Variants in LINGO2 observed in about 807,000 individuals in gnomAD.
The protein encoded by LINGO2 is leucine rich repeat and Ig domain containing 2.
In LINGO2, 14 loss-of-function variants were observed where a neutral mutation model predicts 30.6. That is an observed-to-expected ratio of 0.46 (90% confidence interval 0.30 to 0.72). The LOEUF (loss-of-function observed/expected upper bound fraction) is 0.72. LINGO2 is among the 30% of genes least tolerant of loss of function. The pLI is 0.07. For synonymous variants in LINGO2, 317 were observed against 288.5 expected (o/e 1.10, Z -1.00); for missense variants, 729 against 751.7 (o/e 0.97, Z 0.35).
At chr9:28,456,817 T>C (rs1400137399) in intron 2 of LINGO2, among the ~76,000 whole-genome samples, 3 of 152,216 alleles carry the variant, frequency 2.0e-5, no homozygotes, top group South Asian at 2.1e-4. Flanking sequence ...GAGAAAACTC[T>C]TGTGTCGTTA....
intron 4 of LINGO2, among the ~76,000 whole-genome samples, chr9:28,103,570 G>C (rs1397046869): frequency 6.6e-6 from 1 of 152,134 alleles, no homozygotes; most frequent in Non-Finnish European, 1.5e-5. Flanking sequence ...GCAGTCCCAA[G>C]AAGCAGAACT....
intron 1 of LINGO2, among the ~76,000 whole-genome samples, chr9:28,550,708 T>C (rs991831205): frequency 1.3e-5 from 2 of 151,742 alleles, no homozygotes. Flanking sequence ...ATATTTTTGC[T>C]TTCATAAAAT....
At chr9:28,956,938 T>TA in the LINGO2 span, among the ~76,000 whole-genome samples, 6 of 151,702 alleles carry the variant, frequency 4.0e-5, no homozygotes, top group South Asian at 2.1e-4. Context: ...ATGATAACAT[T>TA]ACCCTGGGAA....
At chr9:27,996,672 A>C (rs1821679463) in intron 5 of LINGO2, among the ~76,000 whole-genome samples, 1 of 152,062 alleles carries the variant, frequency 6.6e-6, no homozygotes, top group Non-Finnish European at 1.5e-5. Flanking sequence ...AGATAGAATT[A>C]ATAAATTCTA....
chr9:29,008,423 A>G, the LINGO2 span, among the ~76,000 whole-genome samples: 13 of 152,252 alleles, frequency 8.5e-5, no homozygotes, highest in African/African-American at 3.1e-4. Flanking sequence ...ATGATTTATA[A>G]TCCTTTGGGT....
chr9:28,833,585 A>AT, the LINGO2 span, among the ~76,000 whole-genome samples: 7 of 152,206 alleles, frequency 4.6e-5, no homozygotes. Flanking sequence ...AAAAGGATTT[A>AT]TATCCTTTGC....
At chr9:28,752,427 T>G in the LINGO2 span, among the ~76,000 whole-genome samples, 1 of 151,996 alleles carries the variant, frequency 6.6e-6, no homozygotes, top group East Asian at 1.9e-4. Flanking sequence ...TAGAGAACAT[T>G]TGATGACACA....
At chr9:29,043,765 G>A in the LINGO2 span, among the ~76,000 whole-genome samples, 1 of 151,924 alleles carries the variant, frequency 6.6e-6, no homozygotes, top group Non-Finnish European at 1.5e-5. Flanking sequence ...ATAAAACACA[G>A]TTATATGCAG....
At chr9:29,170,490 T>C in the LINGO2 span, among the ~76,000 whole-genome samples, 2 of 152,136 alleles carry the variant, frequency 1.3e-5, no homozygotes, top group African/African-American at 4.8e-5. Flanking sequence ...ATTTGTATAA[T>C]GTATACTATT....
At chr9:28,042,982 T>G (rs1014797164) in intron 4 of LINGO2, among the ~76,000 whole-genome samples, 2 of 152,100 alleles carry the variant, frequency 1.3e-5, no homozygotes, top group African/African-American at 4.8e-5. Context: ...ACAGGTACAC[T>G]TTAAGGGTCT....
At chr9:28,520,312 C>T (rs1306794512) in intron 1 of LINGO2, among the ~76,000 whole-genome samples, 1 of 152,050 alleles carries the variant, frequency 6.6e-6, no homozygotes, top group East Asian at 1.9e-4. Context: ...TAGGTGACAT[C>T]AATAATTTTT....
At chr9:28,036,567 C>A (rs997862405) in intron 4 of LINGO2, among the ~76,000 whole-genome samples, 1 of 152,026 alleles carries the variant, frequency 6.6e-6, no homozygotes, top group Non-Finnish European at 1.5e-5. Context: ...ATATGGTTTC[C>A]ATCAGAAAAG....
chr9:28,102,523 A>C (rs970900599), intron 4 of LINGO2, among the ~76,000 whole-genome samples: 3 of 152,130 alleles, frequency 2.0e-5, no homozygotes, highest in Non-Finnish European at 4.4e-5. Flanking sequence ...TTTTATTTTA[A>C]ATATGCTGTA....
At chr9:28,936,500 G>A in the LINGO2 span, among the ~76,000 whole-genome samples, 1 of 152,096 alleles carries the variant, frequency 6.6e-6, no homozygotes, top group Non-Finnish European at 1.5e-5. Context: ...ATCACTTAAT[G>A]GACAATAAAA....
At chr9:28,474,410 AT>A (rs1176090310) in intron 2 of LINGO2, among the ~76,000 whole-genome samples, 2 of 26,870 alleles carry the variant, frequency 7.4e-5, no homozygotes, top group East Asian at 0.14. Context: ...AAGAAGAGAC[AT>A]AAAAAAACTT....
chr9:28,066,761 A>G (rs62556509), intron 4 of LINGO2, among the ~76,000 whole-genome samples: 13,395 of 152,146 alleles, frequency 0.088, 815 homozygotes, highest in Middle Eastern at 0.18. Context: ...CTGAATGCCC[A>G]ATTTGCTTTA....
At chr9:28,211,275 A>G (rs1490562544) in intron 4 of LINGO2, among the ~76,000 whole-genome samples, 1 of 150,872 alleles carries the variant, frequency 6.6e-6, no homozygotes, top group Non-Finnish European at 1.5e-5. Context: ...TTACCAAGAA[A>G]ACTCCAAATT....
chr9:28,720,951 G>A, the LINGO2 span, among the ~76,000 whole-genome samples: 2 of 152,016 alleles, frequency 1.3e-5, no homozygotes, highest in African/African-American at 4.8e-5. Flanking sequence ...GAGGAGGGCT[G>A]TCCATTGTCC....
At chr9:28,809,893 C>A in the LINGO2 span, among the ~76,000 whole-genome samples, 1 of 152,134 alleles carries the variant, frequency 6.6e-6, no homozygotes, top group African/African-American at 2.4e-5. Flanking sequence ...ACTATGAGAT[C>A]TTCACTCCAG....
Sources: gnomAD v4.1 joint callset for allele counts (sites outside exome capture counted in the v4.1 genomes callset) on GRCh38, gnomAD v4.1.1 for gene constraint, MANE v1.5 for transcripts, NCBI Gene and HGNC (gene_info 2026-07-23, HGNC 2026-07-21) for gene names.